RERE: variants seen among roughly 807,000 people sequenced by gnomAD.
RERE encodes the protein arginine-glutamic acid dipeptide repeats protein.
A neutral mutation model predicts 146.1 loss-of-function variants in RERE; 40 were observed. The observed-to-expected ratio is 0.27, with a 90% CI of 0.21 to 0.36. The LOEUF (loss-of-function observed/expected upper bound fraction) is 0.36. Among genes scored for constraint, RERE ranks in the 10% least tolerant of loss-of-function variants. RERE has a pLI of 1.00. For synonymous variants in RERE, 1,003 were observed against 866.0 expected, an observed-to-expected ratio of 1.16 and a Z score of -2.78; for missense variants, 1,933 against 2,138.7, an observed-to-expected ratio of 0.90 and a Z score of 1.90.
In RERE at chr1:8,620,931, T is replaced by C. The variant is rs1039507153; in HGVS notation, c.396+3379A>G. ...GAAAGCTTCCTAATAGAATACATAA[T>C]TCCTACCTTTAAAACCTCAGCTCAG... On this transcript the variant is annotated intron_variant, in intron 3 of 22. Coordinates refer to ENST00000400908, the MANE Select transcript of RERE (RefSeq NM_001042681.2). 5.9e-5 allele frequency among the ~76,000 whole-genome samples: 9 copies of C among 151,976 alleles called. No homozygotes were observed. The East Asian group carries it at 9.7e-4, about 16-fold the overall frequency.
intron 12 of RERE, among the ~76,000 whole-genome samples, chr1:8,385,541 T>C (rs980071882): frequency 2.0e-5 from 3 of 152,152 alleles, no homozygotes; most frequent in African/African-American, 7.2e-5. Flanking sequence ...ATTACCCAGA[T>C]GCCAAAAGGA....
intron 7 of RERE, among the ~76,000 whole-genome samples, chr1:8,517,494 A>G (rs970720053): frequency 1.1e-4 from 16 of 152,246 alleles, no homozygotes; most frequent in Non-Finnish European, 2.2e-4. Context: ...AAGTGTCACT[A>G]TCATCCCCAG....
At position 8,361,263 on chromosome 1, in the gene RERE, G is replaced by A. The variant is rs1374498160; in HGVS notation, c.2244C>T (p.Thr748=). Residue 748 remains threonine, a synonymous_variant, in exon 18 of 23, where the codon ACC becomes ACT. Transcript: ENST00000400908. ...CTGGAGGAGCTGAGGAGGGAGCTGG[G>A]GTGACCCCAGTGGGAGCCTGCAAGG... ...PPALQAPTGV[T]PAPSSAPPGT... is the part of the protein sequence containing the mutation. 17 of 1,584,490 alleles carry A rather than the reference G, an allele frequency of 1.1e-5. No individual in the cohort carries two copies. The highest frequency in any genetic ancestry group is 1.5e-5 in the Non-Finnish European group (17 of 1,166,724).
Position 8,362,747 on chromosome 1 carries a change from G to A in RERE, c.1838C>T (p.Ser613Phe), listed in dbSNP as rs1474320025. The A allele has an allele frequency of 1.2e-6, 2 of 1,614,110 alleles. No individual in the cohort carries two copies. Among genetic ancestry groups the A allele is most frequent in the Admixed American group, 3.3e-5 (2 of 60,004 alleles). The change falls in exon 16 of 23, where the codon TCC (serine) becomes TTC (phenylalanine). Residue 613 changes from serine to phenylalanine, a missense_variant. Coordinates refer to ENST00000400908, the MANE Select transcript of RERE (RefSeq NM_001042681.2). ...GCTGGAGGTACTGGCAGCGCTGGGG[G>A]AGTTCCGGCCGCTGGAGCGGATGTC... is the stretch of plus-strand genomic sequence containing the variant. ...NEDIRSSGRN[S>F]PSAASTSSND... is the part of the protein sequence containing the mutation.
intron 7 of RERE, among the ~76,000 whole-genome samples, chr1:8,516,931 G>T (rs1408668059): frequency 6.6e-6 from 1 of 152,212 alleles, no homozygotes; most frequent in Non-Finnish European, 1.5e-5. Flanking sequence ...TGATTGCCAG[G>T]TGTTAGAGAT....
At chr1:8,579,466 T>G (rs1357894582) in intron 4 of RERE, among the ~76,000 whole-genome samples, 1 of 152,194 alleles carries the variant, frequency 6.6e-6, no homozygotes, top group Non-Finnish European at 1.5e-5. Flanking sequence ...CAAGAAAAAC[T>G]GTTAGAGTTC....
chr1:8,477,565 G>A (rs1644772212), intron 10 of RERE, among the ~76,000 whole-genome samples: 1 of 152,118 alleles, frequency 6.6e-6, no homozygotes, highest in Admixed American at 6.5e-5. Context: ...AAAACCACAG[G>A]TCTAAGCATC....
chr1:8,733,738 G>GGATA (rs369915328), intron 1 of RERE, among the ~76,000 whole-genome samples: 39 of 152,324 alleles, frequency 2.6e-4, no homozygotes, highest in African/African-American at 9.1e-4. Flanking sequence ...AAGGTGTGTG[G>GGATA]GATAACAAAT....
intron 1 of RERE, among the ~76,000 whole-genome samples, chr1:8,726,118 A>G (rs1032600894): frequency 6.7e-6 from 1 of 149,630 alleles, no homozygotes; most frequent in East Asian, 1.9e-4. Context: ...TGAGTCAATA[A>G]GGGAATTCCA....
chr1:8,777,028 C>G (rs1397999171), intron 1 of RERE, among the ~76,000 whole-genome samples: 4 of 152,134 alleles, frequency 2.6e-5, no homozygotes, highest in Non-Finnish European at 4.4e-5. Context: ...TGAGCCACCA[C>G]ACCAGACCTA....
intron 12 of RERE, among the ~76,000 whole-genome samples, chr1:8,374,141 G>T (rs144310942): frequency 1.3e-5 from 2 of 152,250 alleles, no homozygotes; most frequent in South Asian, 4.2e-4. Context: ...GATCTAAACC[G>T]CCACCCACGA....
At chr1:8,692,115 T>C (rs1033418086) in intron 1 of RERE, among the ~76,000 whole-genome samples, 1 of 152,158 alleles carries the variant, frequency 6.6e-6, no homozygotes, top group African/African-American at 2.4e-5. Flanking sequence ...TTCTAAAAAC[T>C]GAAAAGCATC....
intron 1 of RERE, among the ~76,000 whole-genome samples, chr1:8,759,838 T>TAAACAC (rs1553146162): frequency 2.1e-5 from 3 of 142,230 alleles, no homozygotes; most frequent in African/African-American, 7.8e-5. Flanking sequence ...ACTCTCTCTA[T>TAAACAC]ACACACACAC....
intron 4 of RERE, among the ~76,000 whole-genome samples, chr1:8,573,016 T>G (rs1190219990): frequency 6.6e-6 from 1 of 152,206 alleles, no homozygotes; most frequent in Non-Finnish European, 1.5e-5. Context: ...TACACCAGTT[T>G]CTCTACCTAC....
At chr1:8,549,540 T>C (rs1055573247) in intron 6 of RERE, among the ~76,000 whole-genome samples, 3 of 152,132 alleles carry the variant, frequency 2.0e-5, no homozygotes, top group East Asian at 1.9e-4. Flanking sequence ...AAAACCACCA[T>C]AGGCAAGCTT....
At chr1:8,704,276 T>C (rs1040856213) in intron 1 of RERE, among the ~76,000 whole-genome samples, 14 of 152,238 alleles carry the variant, frequency 9.2e-5, no homozygotes, top group African/African-American at 2.9e-4. Context: ...CTAGTGGTGA[T>C]AGCCAAGATC....
At position 8,384,387 on chromosome 1, in the gene RERE, T is replaced by C. The variant is rs112970078; in HGVS notation, c.1285-18413A>G. On this transcript the variant is annotated intron_variant, in intron 12 of 22. Transcript: ENST00000400908. ...TGCTGACGTGCTCAGAAAAGGAACATGCTTCTCTGGATGCCATGAGGTACT... is the reference window on the plus strand; with the variant it reads ...TGCTGACGTGCTCAGAAAAGGAACACGCTTCTCTGGATGCCATGAGGTACT... Among the ~76,000 whole-genome samples the C allele has an allele frequency of 1.9e-3, 287 of 152,276 alleles. 1 individual carries two copies. Among genetic ancestry groups the C allele is most frequent in the African/African-American group, 5.1e-3 (210 of 41,534 alleles).
chr1:8,421,204 A>C (rs1643905018), intron 12 of RERE, among the ~76,000 whole-genome samples: 2 of 152,250 alleles, frequency 1.3e-5, no homozygotes. Context: ...GAGAGGCTAC[A>C]ATCTGAGCGA....
chr1:8,693,567 G>A (rs1011992029), intron 1 of RERE, among the ~76,000 whole-genome samples: 12 of 152,160 alleles, frequency 7.9e-5, no homozygotes, highest in Admixed American at 5.9e-4. Flanking sequence ...AAAAAGATCA[G>A]TGGTGGCCAG....
Sources: gnomAD v4.1 joint callset for allele counts (sites outside exome capture counted in the v4.1 genomes callset) on GRCh38, gnomAD v4.1.1 for gene constraint, MANE v1.5 for transcripts, NCBI Gene and HGNC (gene_info 2026-07-23, HGNC 2026-07-21) for gene names.